The following LRRTM3 variants were observed in gnomAD, a reference collection of about 807,000 sequenced individuals.
LRRTM3 encodes leucine-rich repeat transmembrane neuronal protein 3.
Under a neutral mutation model 44.7 loss-of-function variants are expected in LRRTM3, and 24 were observed. The observed-to-expected ratio is 0.54, with a 90% confidence interval of 0.39 to 0.76. The LOEUF (loss-of-function observed/expected upper bound fraction) is 0.76, where lower values mean the gene tolerates loss of function less well. Among genes scored for constraint, LRRTM3 ranks in the 30% least tolerant of loss-of-function variants. The pLI is 0.00. For synonymous variants in LRRTM3, 277 were observed against 278.7 expected (o/e 0.99, Z 0.06); for missense variants, 587 against 702.2 (o/e 0.84, Z 1.85).
chr10:67,069,126 A>G lies in LRRTM3; in HGVS notation c.1537-28461A>G, dbSNP rs1324368427. Among the ~76,000 whole-genome samples the G allele has an allele frequency of 2.0e-5, 3 of 152,068 alleles. No individual in the cohort carries two copies. In the East Asian group the frequency reaches 5.8e-4, roughly 29 times the overall value. On this transcript the variant is annotated intron_variant, in intron 2 of 2. Coordinates refer to ENST00000361320, the MANE Select transcript of LRRTM3 (RefSeq NM_178011.5). The stretch of plus-strand genomic sequence containing the variant: ...AGAAGAAGACAAAAGAAGTGGCATG[A>G]GTTTAAGAGGAAATGGGAGGTAAAC...
At chr10:66,932,177 G>T (rs1442617318) in intron 2 of LRRTM3, among the ~76,000 whole-genome samples, 1 of 152,180 alleles carries the variant, frequency 6.6e-6, no homozygotes, top group African/African-American at 2.4e-5. Flanking sequence ...TACAGTCTAA[G>T]AGGTGATGAT....
intron 2 of LRRTM3, among the ~76,000 whole-genome samples, chr10:67,033,181 C>T (rs1853838860): frequency 1.3e-5 from 2 of 152,142 alleles, no homozygotes; most frequent in Admixed American, 6.5e-5. Flanking sequence ...ATATGATCTT[C>T]AAGTCCTCTT....
intron 2 of LRRTM3, among the ~76,000 whole-genome samples, chr10:67,096,229 T>C (rs1221525331): frequency 6.6e-6 from 1 of 151,820 alleles, no homozygotes; most frequent in Non-Finnish European, 1.5e-5. Flanking sequence ...TTACTTTTAT[T>C]AAAGAGATAA....
intron 2 of LRRTM3, among the ~76,000 whole-genome samples, chr10:66,938,096 A>T (rs1269493559): frequency 1.3e-5 from 2 of 152,228 alleles, no homozygotes; most frequent in Non-Finnish European, 2.9e-5. Context: ...CAAACAATCT[A>T]CAGTAAACAT....
rs144610709 is a variant in LRRTM3, at chr10:67,060,011, C to G, written c.1537-37576C>G. ...AAGAATGGCTTTTTTAGGTGAGGCACGATGATAAAAATGTCTTTTTTAGGC... is the reference window on the plus strand; with the variant it reads ...AAGAATGGCTTTTTTAGGTGAGGCAGGATGATAAAAATGTCTTTTTTAGGC... On this transcript the variant is annotated intron_variant, in intron 2 of 2. Transcript: ENST00000361320. Among the ~76,000 whole-genome samples the G allele has an allele frequency of 5.6e-3, 856 of 151,984 alleles. 26 individuals carry two copies. Among genetic ancestry groups the G allele is most frequent in the Admixed American group, 0.046 (706 of 15,248 alleles).
intron 2 of LRRTM3, among the ~76,000 whole-genome samples, chr10:67,069,392 T>C (rs1001971361): frequency 1.3e-5 from 2 of 152,062 alleles, no homozygotes; most frequent in African/African-American, 4.8e-5. Flanking sequence ...ATAGGAAGCT[T>C]ATTAACTCAA....
chr10:66,985,878 C>T lies in LRRTM3; in HGVS notation c.1536+57426C>T, dbSNP rs1319509289. 3.3e-5 allele frequency among the ~76,000 whole-genome samples: 5 copies of T among 152,092 alleles called. No homozygotes were observed. In the South Asian group the frequency reaches 1.0e-3, roughly 32 times the overall value. ...AAGTAACTGGGATTACAGGTGCTCG[C>T]CACCACACCCAGCTAATTTTTGTAT... On this transcript the variant is annotated intron_variant, in intron 2 of 2. Coordinates refer to ENST00000361320, the MANE Select transcript of LRRTM3 (RefSeq NM_178011.5).
At chr10:66,988,994 T>A (rs921240621) in intron 2 of LRRTM3, among the ~76,000 whole-genome samples, 15 of 150,338 alleles carry the variant, frequency 1.0e-4, no homozygotes, top group Admixed American at 7.3e-4. Context: ...ATGTTTCCTC[T>A]CACTTAAAAA....
At chr10:67,060,368 A>G (rs190882387) in intron 2 of LRRTM3, among the ~76,000 whole-genome samples, 5 of 152,324 alleles carry the variant, frequency 3.3e-5, no homozygotes, top group African/African-American at 1.2e-4. Context: ...TTGCCAAGTG[A>G]CTAAACAGAA....
intron 2 of LRRTM3, among the ~76,000 whole-genome samples, chr10:66,942,588 ATGTG>A (rs148640505): frequency 1.4e-5 from 2 of 146,600 alleles, no homozygotes; most frequent in Admixed American, 6.8e-5. Flanking sequence ...GTGTGTGTGT[ATGTG>A]TGTGTGTGTG....
At chr10:67,036,501 T>C (rs924553333) in intron 2 of LRRTM3, among the ~76,000 whole-genome samples, 4 of 152,068 alleles carry the variant, frequency 2.6e-5, no homozygotes, top group African/African-American at 9.7e-5. Flanking sequence ...CCGTCTCTAC[T>C]AAAAATACAA....
rs558810483 is a variant in LRRTM3 at position 66,926,831 on chromosome 10, T to C, written c.5-90T>C. 1.6e-4 allele frequency: 191 copies of C among 1,218,966 alleles called. 1 individual carries two copies. The South Asian group carries it at 2.8e-3, about 18-fold the overall frequency. 75.5% of individuals were successfully genotyped at this position (1,218,966 alleles called of 1,614,324 possible). ...TAAGTGTTATTTAGATTTAAATTTT[T>C]AAAAATGAAAAATATATGCCTATTT... is the stretch of plus-strand genomic sequence containing the variant. On this transcript the variant is annotated intron_variant, in intron 1 of 2. Coordinates refer to ENST00000361320, the MANE Select transcript of LRRTM3 (RefSeq NM_178011.5).
chr10:66,996,705 G>A (rs901449330), intron 2 of LRRTM3, among the ~76,000 whole-genome samples: 4 of 140,106 alleles, frequency 2.9e-5, no homozygotes, highest in Non-Finnish European at 6.1e-5. Flanking sequence ...GTGTTTATTT[G>A]AGTTAATTAG....
At chr10:66,933,026 T>A (rs1450732526) in intron 2 of LRRTM3, among the ~76,000 whole-genome samples, 10 of 152,222 alleles carry the variant, frequency 6.6e-5, no homozygotes, top group Non-Finnish European at 1.5e-5. Context: ...TACTATTGAC[T>A]GCTCATGGTA....
chr10:66,997,317 C>T (rs962919224), intron 2 of LRRTM3, among the ~76,000 whole-genome samples: 4 of 152,126 alleles, frequency 2.6e-5, no homozygotes, highest in Non-Finnish European at 5.9e-5. Flanking sequence ...ACAATCTGAG[C>T]AGGAAATACT....
intron 2 of LRRTM3, among the ~76,000 whole-genome samples, chr10:66,997,576 A>C (rs1401221533): frequency 6.6e-6 from 1 of 152,154 alleles, no homozygotes; most frequent in Non-Finnish European, 1.5e-5. Flanking sequence ...TCATGTAACT[A>C]AATACTCCTA....
intron 2 of LRRTM3, among the ~76,000 whole-genome samples, chr10:67,038,752 G>A (rs1002878666): frequency 2.0e-5 from 3 of 152,036 alleles, no homozygotes; most frequent in Non-Finnish European, 4.4e-5. Context: ...GGCAGAACCA[G>A]GAGTTCAATA....
rs776144084 is a variant in LRRTM3, at chr10:66,927,750, G to A, written c.834G>A (p.Pro278=). The A allele has an allele frequency of 3.7e-6, 6 of 1,614,138 alleles. No individual in the cohort carries two copies. The South Asian group carries it at 5.5e-5, about 15-fold the overall frequency. The change falls in exon 2 of 3, where the codon CCG becomes CCA. Residue 278 remains proline (P), a synonymous_variant. Coordinates refer to ENST00000361320, the MANE Select transcript of LRRTM3 (RefSeq NM_178011.5). This position sits in a 1 kb window ranked among gnomAD's most constrained non-coding sequence, Gnocchi z 4.7. ...FSGPSVFQCV[P]NLQRLNLDSN... ...GACCCAGTGTTTTCCAGTGTGTCCCGAATCTGCAGCGCCTCAACCTGGATT... is the reference window on the plus strand; with the variant it reads ...GACCCAGTGTTTTCCAGTGTGTCCCAAATCTGCAGCGCCTCAACCTGGATT...
chr10:67,019,216 A>G (rs1428942064), intron 2 of LRRTM3, among the ~76,000 whole-genome samples: 1 of 151,854 alleles, frequency 6.6e-6, no homozygotes, highest in African/African-American at 2.4e-5. Context: ...TTTTAATTTT[A>G]TTTTATTATT....
Sources: gnomAD v4.1 joint callset for allele counts (sites outside exome capture counted in the v4.1 genomes callset) on GRCh38, gnomAD v4.1.1 for gene constraint, Gnocchi (gnomAD v3.1) non-coding constraint, MANE v1.5 for transcripts, NCBI Gene and HGNC (gene_info 2026-07-23, HGNC 2026-07-21) for gene names.